The following SCGB2B2 variants were observed in gnomAD, a reference collection of about 807,000 sequenced individuals.
SCGB2B2 encodes secretoglobin family 2B member 2.
In SCGB2B2, 11 loss-of-function variants were observed where a neutral mutation model predicts 7.6. That is an observed-to-expected ratio of 1.45 (90% CI 0.91 to 2.40). The LOEUF (loss-of-function observed/expected upper bound fraction) is 2.40, where lower values mean the gene tolerates loss of function less well. Among genes scored for constraint, SCGB2B2 ranks in the 30% most tolerant of loss-of-function variants. The probability of loss-of-function intolerance (pLI) is 0.00; values close to 1 mark genes in which losing one functional copy is unlikely to be tolerated. For missense variants in SCGB2B2, 104 were observed against 115.4 expected, an observed-to-expected ratio of 0.90 and a Z score of 0.45; for synonymous variants, 50 against 48.6, an observed-to-expected ratio of 1.03 and a Z score of -0.12.
intron 1 of SCGB2B2, among the ~76,000 whole-genome samples, chr19:34,642,539 C>A (rs1256166415): frequency 6.6e-6 from 1 of 151,734 alleles, no homozygotes. Flanking sequence ...CATGGTGAAA[C>A]CCTGTCTCTA....
chr19:34,587,592 T>C (rs894779478), downstream of SCGB2B2, among the ~76,000 whole-genome samples: 1 of 152,228 alleles, frequency 6.6e-6, no homozygotes, highest in African/African-American at 2.4e-5. Flanking sequence ...AAAATGGACA[T>C]TCTTGCCTTG....
chr19:34,659,494 A>G (rs564031680), intron 1 of SCGB2B2, among the ~76,000 whole-genome samples: 105 of 152,320 alleles, frequency 6.9e-4, no homozygotes, highest in African/African-American at 2.4e-3. Flanking sequence ...TACACCAATA[A>G]TAGACAAACG....
At chr19:34,593,646 G>C (rs1328703957) in intron 3 of SCGB2B2, 47 bp from the exon 4 acceptor site, 1 of 1,496,696 alleles carries the variant, frequency 6.7e-7, no homozygotes, top group Non-Finnish European at 9.1e-7. Flanking sequence ...TCTGTGAAAG[G>C]CTCCCCAGAC....
rs184726514 is a variant in SCGB2B2 at position 34,662,169 on chromosome 19, C to T, written c.-2032+13461G>A. On this transcript the variant is annotated intron_variant, in intron 1 of 3. Coordinates refer to ENST00000601241, the MANE Select transcript of SCGB2B2 (RefSeq NM_001025591.4). ...TGCTGGGATTACAGGTGTGAGCCAC[C>T]GCGCCGGGCCATGTTAGTGTATTTT... 3.2e-3 allele frequency among the ~76,000 whole-genome samples: 487 copies of T among 152,190 alleles called. 5 individuals carry two copies. The South Asian group carries it at 0.035, about 11-fold the overall frequency.
intron 1 of SCGB2B2, among the ~76,000 whole-genome samples, chr19:34,669,904 G>A (rs2067757458): frequency 6.6e-6 from 1 of 152,224 alleles, no homozygotes; most frequent in Admixed American, 6.5e-5. Context: ...AGGAGCAAGG[G>A]GAACCCATAG....
intron 1 of SCGB2B2, chr19:34,632,029 A>G (rs1157218520): frequency 6.6e-6 from 1 of 152,160 alleles, no homozygotes; most frequent in Non-Finnish European, 1.5e-5. Flanking sequence ...TTTTAAAGAA[A>G]TGTTGTTGAA....
chr19:34,648,008 G>A (rs1416326224), intron 1 of SCGB2B2, among the ~76,000 whole-genome samples: 2 of 152,246 alleles, frequency 1.3e-5, no homozygotes, highest in African/African-American at 4.8e-5. Context: ...ACAAGGGGCA[G>A]TGGGGAAGGG....
chr19:34,637,002 C>T (rs915186705), intron 1 of SCGB2B2, among the ~76,000 whole-genome samples: 3 of 152,040 alleles, frequency 2.0e-5, no homozygotes, highest in African/African-American at 7.2e-5. Context: ...CATGACAGAC[C>T]CCAGGAAAGA....
intron 1 of SCGB2B2, among the ~76,000 whole-genome samples, chr19:34,663,308 C>T (rs2067515382): frequency 1.3e-5 from 2 of 152,168 alleles, no homozygotes; most frequent in Non-Finnish European, 2.9e-5. Context: ...TAAATGTGTG[C>T]CAGGACATCC....
chr19:34,674,808 T>A (rs1413906329), intron 1 of SCGB2B2, among the ~76,000 whole-genome samples: 2 of 152,234 alleles, frequency 1.3e-5, no homozygotes, highest in African/African-American at 4.8e-5. Context: ...AAGAATTTCA[T>A]AACCAGAAAC....
chr19:34,649,693 A>C (rs2067113868), intron 1 of SCGB2B2, among the ~76,000 whole-genome samples: 1 of 152,026 alleles, frequency 6.6e-6, no homozygotes, highest in Non-Finnish European at 1.5e-5. Context: ...CACTAAAAAT[A>C]CCAAAAAAAT....
rs535830536 is a variant in SCGB2B2 at position 34,616,909 on chromosome 19, G to T, written c.-2031-20315C>A. On this transcript the variant is annotated intron_variant, in intron 1 of 3. Transcript: ENST00000601241. Reference sequence around the variant, plus strand: ...AGTTTCAGCTTTCTACATATGGCTAGCCAGTTTTCCCAGCACCATTTATTA... The same window carrying T: ...AGTTTCAGCTTTCTACATATGGCTATCCAGTTTTCCCAGCACCATTTATTA... Among the ~76,000 whole-genome samples, 228 of 152,268 alleles carry T rather than the reference G, an allele frequency of 1.5e-3. 1 individual carries two copies. The highest frequency in any genetic ancestry group is 3.8e-3 in the Admixed American group (58 of 15,290).
chr19:34,615,229 A>T (rs2066038503), intron 1 of SCGB2B2, among the ~76,000 whole-genome samples: 1 of 152,154 alleles, frequency 6.6e-6, no homozygotes, highest in Admixed American at 6.5e-5. Context: ...TCTTCTCTGG[A>T]AGGAACACAG....
intron 1 of SCGB2B2, among the ~76,000 whole-genome samples, chr19:34,648,774 T>A (rs1401325079): frequency 6.6e-6 from 1 of 151,880 alleles, no homozygotes; most frequent in South Asian, 2.1e-4. Context: ...TTTTGGTTAT[T>A]AAAATGAATT....
chr19:34,662,892 C>G (rs2067499617), intron 1 of SCGB2B2, among the ~76,000 whole-genome samples: 1 of 152,226 alleles, frequency 6.6e-6, no homozygotes, highest in Admixed American at 6.5e-5. Context: ...GATCATGCCA[C>G]TGTACTTTAG....
At chr19:34,588,055 A>T (rs1396477263), downstream of SCGB2B2, among the ~76,000 whole-genome samples, 1 of 152,218 alleles carries the variant, frequency 6.6e-6, no homozygotes, top group Non-Finnish European at 1.5e-5. Flanking sequence ...TGAATTTGGA[A>T]GAATTCTATA....
intron 1 of SCGB2B2, among the ~76,000 whole-genome samples, chr19:34,623,869 G>A (rs1164122938): frequency 6.6e-6 from 1 of 152,162 alleles, no homozygotes; most frequent in East Asian, 1.9e-4. Flanking sequence ...GGATTAAATG[G>A]CTGTCCTACC....
chr19:34,598,494 A>C (rs1430494111), intron 1 of SCGB2B2, among the ~76,000 whole-genome samples: 7 of 151,208 alleles, frequency 4.6e-5, no homozygotes. Context: ...TGTTTGAGGA[A>C]CTTGGGCATC....
In SCGB2B2 at chr19:34,666,023, T is replaced by C. The variant is rs529088682; in HGVS notation, c.-2032+9607A>G. Among the ~76,000 whole-genome samples, 8 of 152,164 alleles carry C rather than the reference T, an allele frequency of 5.3e-5. No homozygotes were observed. In the East Asian group the frequency reaches 1.4e-3, roughly 26 times the overall value. On this transcript the variant is annotated intron_variant, in intron 1 of 3. Transcript: ENST00000601241. ...CCTGATGCTCAGCCCCCTGCGGCCC[T>C]CCTGGAGCCCACACCTTTCAGCTGC...
Sources: allele counts gnomAD v4.1 joint callset (sites outside exome capture counted in the v4.1 genomes callset), GRCh38; gene constraint gnomAD v4.1.1; transcripts MANE v1.5; gene names NCBI Gene and HGNC (gene_info 2026-07-23, HGNC 2026-07-21).